Variants in QTMAN observed in about 807,000 individuals in gnomAD.
QTMAN encodes queuosine-tRNA mannosyltransferase.
the QTMAN span, among the ~76,000 whole-genome samples, chr2:144,049,494 T>G: frequency 3.9e-5 from 6 of 152,186 alleles, no homozygotes; most frequent in Non-Finnish European, 7.3e-5. Flanking sequence ...AAAAGATATG[T>G]AAATAATTGG....
At chr2:144,204,623 C>T in the QTMAN span, among the ~76,000 whole-genome samples, 2 of 152,092 alleles carry the variant, frequency 1.3e-5, no homozygotes, top group African/African-American at 4.8e-5. Flanking sequence ...TACCATTTGA[C>T]CCAGCCATCT....
the QTMAN span, among the ~76,000 whole-genome samples, chr2:144,065,762 CTTTTTTT>C: frequency 7.5e-6 from 1 of 132,512 alleles, no homozygotes; most frequent in African/African-American, 2.8e-5. Flanking sequence ...AAGAAAATAA[CTTTTTTT>C]TTTTTTTTTT....
chr2:144,094,067 A>C, the QTMAN span, among the ~76,000 whole-genome samples: 1 of 152,252 alleles, frequency 6.6e-6, no homozygotes, highest in Non-Finnish European at 1.5e-5. Flanking sequence ...TGTAATTCAT[A>C]TCTCAATGAG....
the QTMAN span, among the ~76,000 whole-genome samples, chr2:144,206,394 T>C: frequency 3.3e-5 from 5 of 152,200 alleles, no homozygotes; most frequent in African/African-American, 7.2e-5. Context: ...CAATCTAGGA[T>C]TGAATGCACG....
the QTMAN span, among the ~76,000 whole-genome samples, chr2:144,029,091 A>C: frequency 6.6e-6 from 1 of 152,154 alleles, no homozygotes; most frequent in Non-Finnish European, 1.5e-5. Context: ...TTTATTTTTC[A>C]CTTATCAAAT....
the QTMAN span, among the ~76,000 whole-genome samples, chr2:143,982,766 C>T: frequency 6.8e-6 from 1 of 147,354 alleles, no homozygotes; most frequent in Non-Finnish European, 1.5e-5. Context: ...GAGGCTGACA[C>T]AGGAGAACCT....
chr2:144,124,205 G>A, the QTMAN span, among the ~76,000 whole-genome samples: 1 of 152,088 alleles, frequency 6.6e-6, no homozygotes, highest in Admixed American at 6.6e-5. Flanking sequence ...TAAGAAGCAA[G>A]TGCCATACCA....
At chr2:144,052,578 T>C in the QTMAN span, among the ~76,000 whole-genome samples, 1 of 152,206 alleles carries the variant, frequency 6.6e-6, no homozygotes, top group South Asian at 2.1e-4. Flanking sequence ...TAAAGCCACA[T>C]AGCTAGTAAA....
the QTMAN span, among the ~76,000 whole-genome samples, chr2:144,063,271 A>G: frequency 6.6e-6 from 1 of 152,188 alleles, no homozygotes; most frequent in South Asian, 2.1e-4. Flanking sequence ...CATAAATTAC[A>G]GCTCCCTCCA....
the QTMAN span, among the ~76,000 whole-genome samples, chr2:144,257,603 G>T: frequency 3.3e-5 from 5 of 152,092 alleles, no homozygotes; most frequent in African/African-American, 1.2e-4. Context: ...TCAAAGAAAA[G>T]AAATATCTTG....
At chr2:144,028,035 C>T in the QTMAN span, among the ~76,000 whole-genome samples, 1 of 152,112 alleles carries the variant, frequency 6.6e-6, no homozygotes, top group African/African-American at 2.4e-5. Flanking sequence ...TTCTGTTTAC[C>T]TCATATTATT....
the QTMAN span, among the ~76,000 whole-genome samples, chr2:144,086,671 T>A: frequency 6.6e-6 from 1 of 152,182 alleles, no homozygotes; most frequent in East Asian, 1.9e-4. Flanking sequence ...TCATTTTGAG[T>A]AAAGAAGTCA....
chr2:144,067,138 C>T, the QTMAN span, among the ~76,000 whole-genome samples: 1 of 152,170 alleles, frequency 6.6e-6, no homozygotes, highest in Non-Finnish European at 1.5e-5. Flanking sequence ...TTTTTAATCT[C>T]CATTTAACAG....
At chr2:143,966,645 A>T in the QTMAN span, among the ~76,000 whole-genome samples, 1 of 152,332 alleles carries the variant, frequency 6.6e-6, no homozygotes, top group East Asian at 1.9e-4. Context: ...CTGATTCTAG[A>T]TCTCTCATCT....
the QTMAN span, among the ~76,000 whole-genome samples, chr2:144,158,058 A>G: frequency 2.6e-5 from 4 of 152,170 alleles, no homozygotes; most frequent in East Asian, 5.8e-4. Flanking sequence ...CTCATTGTAA[A>G]TGAATTTCAT....
chr2:144,191,516 G>T, the QTMAN span, among the ~76,000 whole-genome samples: 1 of 152,046 alleles, frequency 6.6e-6, no homozygotes, highest in South Asian at 2.1e-4. Flanking sequence ...GTCTTATCTG[G>T]ATATAAACAC....
chr2:144,044,453 T>C, the QTMAN span, among the ~76,000 whole-genome samples: 6 of 152,110 alleles, frequency 3.9e-5, no homozygotes, highest in Non-Finnish European at 7.4e-5. Context: ...GGGCCATGCT[T>C]CCCCACATCT....
At chr2:144,009,369 A>T in the QTMAN span, among the ~76,000 whole-genome samples, 1 of 152,014 alleles carries the variant, frequency 6.6e-6, no homozygotes, top group Non-Finnish European at 1.5e-5. Flanking sequence ...AGACAGGGAG[A>T]GGGCGTTAAA....
chr2:144,094,445 T>C, the QTMAN span, among the ~76,000 whole-genome samples: 13 of 152,320 alleles, frequency 8.5e-5, no homozygotes, highest in African/African-American at 2.9e-4. Context: ...CTGAGTAATT[T>C]CTTTTAAGAA....
Sources: allele counts gnomAD v4.1 joint callset (sites outside exome capture counted in the v4.1 genomes callset), GRCh38; gene constraint gnomAD v4.1.1; transcripts MANE v1.5; gene names NCBI Gene and HGNC (gene_info 2026-07-23, HGNC 2026-07-21).